The following MTOR variants were observed in gnomAD, a reference collection of about 807,000 sequenced individuals.
MTOR encodes the protein serine/threonine-protein kinase mTOR.
A neutral mutation model predicts 319.8 loss-of-function variants in MTOR; 70 were observed. That is an observed-to-expected ratio of 0.22 (90% CI 0.18 to 0.27). MTOR has a LOEUF of 0.27. Among genes scored for constraint, MTOR ranks in the 10% least tolerant of loss-of-function variants. The pLI is 1.00. For missense variants in MTOR, 1,890 were observed against 3,274.4 expected, an observed-to-expected ratio of 0.58 and a Z score of 10.32; for synonymous variants, 1,183 against 1,211.4, an observed-to-expected ratio of 0.98 and a Z score of 0.49.
chr1:11,162,805 A>G (rs1644518051), intron 29 of MTOR, among the ~76,000 whole-genome samples: 1 of 152,242 alleles, frequency 6.6e-6, no homozygotes, highest in Non-Finnish European at 1.5e-5. Context: ...GGAAAGGAAC[A>G]ACCGGTACCA....
intron 5 of MTOR, among the ~76,000 whole-genome samples, chr1:11,255,382 C>CAAAAAAAA (rs56328160): frequency 6.1e-5 from 6 of 98,216 alleles, no homozygotes; most frequent in African/African-American, 3.8e-4. Flanking sequence ...ACTCCATCTC[C>CAAAAAAAA]AAAAAAAAAA....
At chr1:11,114,626 G>A in intron 52 of MTOR, 173 bp from the exon 53 acceptor site, 1 of 1,056,808 alleles carries the variant, frequency 9.5e-7, no homozygotes, top group Non-Finnish European at 1.4e-6. Flanking sequence ...CAGGAAACCA[G>A]GTCAGAAGTG....
chr1:11,201,238 G>C (rs1406390887), intron 26 of MTOR, among the ~76,000 whole-genome samples: 6 of 152,244 alleles, frequency 3.9e-5, no homozygotes, highest in Admixed American at 3.3e-4. Flanking sequence ...TTGGGACTAA[G>C]GGGATAAAAA....
At chr1:11,185,204 G>C (rs1254431960) in intron 28 of MTOR, among the ~76,000 whole-genome samples, 1 of 151,934 alleles carries the variant, frequency 6.6e-6, no homozygotes, top group Non-Finnish European at 1.5e-5. Flanking sequence ...TGCAACTTGA[G>C]TGGAGGCTAA....
chr1:11,192,107 C>T (rs190203724), intron 28 of MTOR, among the ~76,000 whole-genome samples: 2 of 152,272 alleles, frequency 1.3e-5, no homozygotes, highest in Admixed American at 6.5e-5. Context: ...AAAATACACC[C>T]CCTCTGGATC....
chr1:11,144,925 A>G, intron 33 of MTOR, 43 bp downstream of exon 33: 1 of 1,604,068 alleles, frequency 6.2e-7, no homozygotes, highest in Non-Finnish European at 8.5e-7. Flanking sequence ...AAGTATGGAA[A>G]TAAGCCTCAA....
intron 50 of MTOR, among the ~76,000 whole-genome samples, chr1:11,116,350 T>C (rs559795523): frequency 6.6e-6 from 1 of 152,372 alleles, no homozygotes; most frequent in African/African-American, 2.4e-5. Flanking sequence ...AGTCTTACTC[T>C]GTTGACCAGG....
At chr1:11,175,789 G>T (rs1644967622) in intron 28 of MTOR, among the ~76,000 whole-genome samples, 1 of 147,336 alleles carries the variant, frequency 6.8e-6, no homozygotes, top group African/African-American at 2.5e-5. Flanking sequence ...CTGTCACCCA[G>T]ACTGGAGTGC....
intron 6 of MTOR, among the ~76,000 whole-genome samples, 192 bp downstream of exon 6, chr1:11,253,647 C>T (rs1028439753): frequency 1.3e-5 from 2 of 152,210 alleles, no homozygotes; most frequent in Non-Finnish European, 2.9e-5. Context: ...TCACCCCCTC[C>T]CCATCACTCT....
intron 34 of MTOR, 96 bp downstream of exon 34, chr1:11,144,552 C>T (rs953036399): frequency 2.0e-6 from 2 of 988,904 alleles, no homozygotes; most frequent in African/African-American, 1.6e-5. Context: ...GCAGGAAAAG[C>T]AAGTTGAGTA....
chr1:11,240,687 A>G (rs1358992143), intron 10 of MTOR, 140 bp from the exon 11 acceptor site: 2 of 1,152,962 alleles, frequency 1.7e-6, no homozygotes, highest in Non-Finnish European at 2.3e-6. Context: ...AATAAGAATA[A>G]AAGTGTAAAC....
chr1:11,253,075 T>C (rs1304217082), intron 6 of MTOR, among the ~76,000 whole-genome samples: 1 of 152,188 alleles, frequency 6.6e-6, no homozygotes, highest in African/African-American at 2.4e-5. Flanking sequence ...CAACTTTGGC[T>C]TGAGGACCCC....
rs1055389593 is a variant in MTOR at position 11,199,135 on chromosome 1, G to C, written c.4253+123C>G. On this transcript the variant is annotated intron_variant, in intron 28 of 57. Coordinates refer to ENST00000361445, the MANE Select transcript of MTOR (RefSeq NM_004958.4). The surrounding 1 kb of genome is among the most constrained non-coding windows in gnomAD (Gnocchi z 4.5). ...ACATGTCATTTAAACATGCTGGCCA[G>C]ACCCAGAGGCAGATTTCACAGAGCA... The C allele has an allele frequency of 7.9e-7, 1 of 1,257,970 alleles. No homozygotes were observed. The highest frequency in any genetic ancestry group is 1.1e-6 in the Non-Finnish European group (1 of 883,962). 77.9% of individuals were successfully genotyped at this position (1,257,970 alleles called of 1,614,324 possible).
rs1646780736 is a variant in MTOR, at chr1:11,224,900, T to C, written c.3030+3768A>G. 3.3e-5 allele frequency among the ~76,000 whole-genome samples: 5 copies of C among 152,200 alleles called. No individual in the cohort carries two copies. In the South Asian group the frequency reaches 1.0e-3, roughly 31 times the overall value. On this transcript the variant is annotated intron_variant, in intron 19 of 57. Coordinates refer to ENST00000361445, the MANE Select transcript of MTOR (RefSeq NM_004958.4). ...AAAGGAAGAATGAATTACTGATACATGCCACACATGGATGAACCTCAAAAG... is the reference window on the plus strand; with the variant it reads ...AAAGGAAGAATGAATTACTGATACACGCCACACATGGATGAACCTCAAAAG...
intron 29 of MTOR, among the ~76,000 whole-genome samples, chr1:11,161,582 G>A (rs779825360): frequency 8.5e-5 from 13 of 152,144 alleles, no homozygotes; most frequent in Non-Finnish European, 1.3e-4. Flanking sequence ...CCTCTGAGAC[G>A]AAGCTTCCAG....
intron 49 of MTOR, among the ~76,000 whole-genome samples, chr1:11,118,730 G>A (rs1570918292): frequency 6.6e-6 from 1 of 150,806 alleles, no homozygotes; most frequent in East Asian, 2.0e-4. Context: ...TGGCTCAAGT[G>A]ATCCTCCCGC....
chr1:11,236,325 C>T (rs1346393390), intron 13 of MTOR, among the ~76,000 whole-genome samples: 2 of 151,808 alleles, frequency 1.3e-5, no homozygotes, highest in South Asian at 2.1e-4. Context: ...TTTGTAGAGA[C>T]GTGGTTTGTC....
chr1:11,262,089 C>T (rs1651211347), intron 1 of MTOR, among the ~76,000 whole-genome samples: 2 of 152,166 alleles, frequency 1.3e-5, no homozygotes, highest in Admixed American at 1.3e-4. Context: ...AAGGGGCTGA[C>T]ACGGACGCTA....
At chr1:11,233,101 C>G (rs1348066000) in intron 15 of MTOR, 8 of 1,135,968 alleles carry the variant, frequency 7.0e-6, no homozygotes, top group African/African-American at 1.6e-5. Context: ...TGGAGAAGAA[C>G]CAAGCAGGGT....
Sources: allele counts gnomAD v4.1 joint callset (sites outside exome capture counted in the v4.1 genomes callset), GRCh38; gene constraint gnomAD v4.1.1; non-coding constraint Gnocchi (gnomAD v3.1); transcripts MANE v1.5; gene names NCBI Gene and HGNC (gene_info 2026-07-23, HGNC 2026-07-21).